The following ARHGAP24 variants were observed in gnomAD, a reference collection of about 807,000 sequenced individuals.
The protein encoded by ARHGAP24 is Rho GTPase activating protein 24, also known as rho GTPase-activating protein 24.
Under a neutral mutation model 76.4 loss-of-function variants are expected in ARHGAP24, and 50 were observed. The ratio of observed to expected loss-of-function variants is 0.65; its 90% CI spans 0.52 to 0.83. The LOEUF (loss-of-function observed/expected upper bound fraction) is 0.83, where lower values mean the gene tolerates loss of function less well. Ranked by LOEUF, ARHGAP24 falls within the 40% of genes least tolerant of loss-of-function variation. The pLI, the probability that ARHGAP24 is intolerant of heterozygous loss-of-function variation, is 0.00. For missense variants in ARHGAP24, 930 were observed against 914.2 expected (o/e 1.02, Z -0.22); for synonymous variants, 345 against 323.3 (o/e 1.07, Z -0.72).
At chr4:85,982,415 G>A (rs1305492985) in intron 8 of ARHGAP24, among the ~76,000 whole-genome samples, 1 of 71,488 alleles carries the variant, frequency 1.4e-5, no homozygotes, top group African/African-American at 5.9e-5. Flanking sequence ...CAGGAAAAAT[G>A]GAGAAGCAAA....
chr4:85,702,160 GCTT>G (rs1270569512), intron 2 of ARHGAP24, among the ~76,000 whole-genome samples: 2 of 152,064 alleles, frequency 1.3e-5, no homozygotes, highest in African/African-American at 4.8e-5. Context: ...ATGTAATAAA[GCTT>G]CTCTCTTTAT....
intron 2 of ARHGAP24, among the ~76,000 whole-genome samples, 164 bp from the exon 3 acceptor site, chr4:85,721,721 A>C (rs530311092): frequency 6.6e-6 from 1 of 152,304 alleles, no homozygotes; most frequent in Non-Finnish European, 1.5e-5. Flanking sequence ...TTGAGTGAAC[A>C]TGATTCTGGC....
At chr4:85,899,899 G>GA (rs1480323595) in intron 3 of ARHGAP24, among the ~76,000 whole-genome samples, 2 of 152,076 alleles carry the variant, frequency 1.3e-5, no homozygotes, top group Non-Finnish European at 2.9e-5. Flanking sequence ...AAAGTAAAAA[G>GA]TAATTCATAT....
intron 1 of ARHGAP24, among the ~76,000 whole-genome samples, chr4:85,510,007 G>T (rs1244195325): frequency 1.3e-5 from 2 of 152,096 alleles, no homozygotes; most frequent in African/African-American, 2.4e-5. Context: ...TTACTATTCA[G>T]AAATAGTTCT....
intron 3 of ARHGAP24, among the ~76,000 whole-genome samples, chr4:85,836,024 TTGGCAGTGCTGGCAATC>T (rs1190030886): frequency 6.6e-6 from 1 of 152,204 alleles, no homozygotes; most frequent in African/African-American, 2.4e-5. Flanking sequence ...GAATTCAGAC[TTGGCAGTGCTGGCAATC>T]TATGACAGCA....
At chr4:85,790,466 T>C (rs1008188494) in intron 3 of ARHGAP24, among the ~76,000 whole-genome samples, 4 of 152,210 alleles carry the variant, frequency 2.6e-5, no homozygotes, top group African/African-American at 9.6e-5. Flanking sequence ...AACTTATTTT[T>C]ATTGAAATTT....
chr4:85,585,864 A>G (rs1240671386), intron 2 of ARHGAP24, among the ~76,000 whole-genome samples: 2 of 152,166 alleles, frequency 1.3e-5, no homozygotes, highest in Admixed American at 6.5e-5. Flanking sequence ...CAGAAGGGAA[A>G]AGTGCCAATT....
intron 2 of ARHGAP24, among the ~76,000 whole-genome samples, chr4:85,634,501 A>G (rs1721251427): frequency 6.6e-6 from 1 of 151,858 alleles, no homozygotes; most frequent in Non-Finnish European, 1.5e-5. Context: ...TTGCTCCCAA[A>G]TGGTAACTGT....
At chr4:85,655,926 G>A (rs1182589372) in intron 2 of ARHGAP24, among the ~76,000 whole-genome samples, 1 of 151,546 alleles carries the variant, frequency 6.6e-6, no homozygotes, top group Admixed American at 6.6e-5. Flanking sequence ...AGTTCTCTAT[G>A]AGAATAAAAT....
At chr4:85,821,373 CTAT>C (rs947444439) in intron 3 of ARHGAP24, among the ~76,000 whole-genome samples, 1 of 152,070 alleles carries the variant, frequency 6.6e-6, no homozygotes, top group Non-Finnish European at 1.5e-5. Context: ...AAATATTTTA[CTAT>C]TATTATGATT....
intron 3 of ARHGAP24, among the ~76,000 whole-genome samples, chr4:85,727,377 G>A (rs759575822): frequency 6.6e-6 from 1 of 151,830 alleles, no homozygotes; most frequent in Admixed American, 6.6e-5. Context: ...TTGTTTTTTA[G>A]CACCTATTTA....
At chr4:85,576,857 G>A (rs979447585) in intron 2 of ARHGAP24, among the ~76,000 whole-genome samples, 5 of 151,932 alleles carry the variant, frequency 3.3e-5, no homozygotes, top group African/African-American at 9.7e-5. Flanking sequence ...AAAATTATTC[G>A]AATTGAATCT....
intron 3 of ARHGAP24, among the ~76,000 whole-genome samples, chr4:85,835,192 A>G (rs969118633): frequency 1.3e-5 from 2 of 151,990 alleles, no homozygotes; most frequent in East Asian, 1.9e-4. Flanking sequence ...AAGTAAGTCT[A>G]TGCAGGCTTG....
At chr4:85,513,662 G>A in intron 1 of ARHGAP24, among the ~76,000 whole-genome samples, 1 of 152,174 alleles carries the variant, frequency 6.6e-6, no homozygotes, top group Non-Finnish European at 1.5e-5. Flanking sequence ...TTAACACCAG[G>A]AGAAATGTAT....
At chr4:85,860,843 C>A (rs1731850881) in intron 3 of ARHGAP24, among the ~76,000 whole-genome samples, 1 of 151,884 alleles carries the variant, frequency 6.6e-6, no homozygotes, top group South Asian at 2.1e-4. Flanking sequence ...ATTATTAAAT[C>A]TTTTCTTACT....
At chr4:85,920,947 A>G (rs1220148287) in intron 3 of ARHGAP24, among the ~76,000 whole-genome samples, 1 of 152,228 alleles carries the variant, frequency 6.6e-6, no homozygotes, top group African/African-American at 2.4e-5. Flanking sequence ...AAATTAGTTC[A>G]ACAATGTGGA....
chr4:85,938,183 C>G (rs900859776), intron 4 of ARHGAP24, among the ~76,000 whole-genome samples: 1 of 152,132 alleles, frequency 6.6e-6, no homozygotes, highest in African/African-American at 2.4e-5. Flanking sequence ...AAGTCACATC[C>G]TCGGTGATGC....
intron 3 of ARHGAP24, among the ~76,000 whole-genome samples, chr4:85,853,735 G>GA (rs1731379403): frequency 2.0e-5 from 3 of 152,012 alleles, no homozygotes; most frequent in African/African-American, 4.8e-5. Context: ...GACCATCCTG[G>GA]CCAAGCTCAA....
intron 3 of ARHGAP24, among the ~76,000 whole-genome samples, chr4:85,903,014 CTT>C (rs963582858): frequency 6.6e-6 from 1 of 152,168 alleles, no homozygotes; most frequent in African/African-American, 2.4e-5. Context: ...TCCTCATTTT[CTT>C]TTTGTATTTT....
Sources: allele counts gnomAD v4.1 joint callset (sites outside exome capture counted in the v4.1 genomes callset), GRCh38; gene constraint gnomAD v4.1.1; transcripts MANE v1.5; gene names NCBI Gene and HGNC (gene_info 2026-07-23, HGNC 2026-07-21).